The following KCNJ3 variants were observed in gnomAD, a reference collection of about 807,000 sequenced individuals.
KCNJ3 encodes G protein-activated inward rectifier potassium channel 1.
KCNJ3 carries 4 observed loss-of-function variants against 39.2 expected under a neutral mutation model. The observed-to-expected ratio is 0.10, with a 90% CI of 0.05 to 0.23. The LOEUF is 0.23. Among genes scored for constraint, KCNJ3 ranks in the 10% least tolerant of loss-of-function variants. KCNJ3 has a pLI of 1.00. For synonymous variants in KCNJ3, 230 were observed against 237.4 expected (o/e 0.97, Z 0.29); for missense variants, 276 against 634.9 (o/e 0.43, Z 6.08).
intron 2 of KCNJ3, among the ~76,000 whole-genome samples, chr2:154,769,116 A>AT (rs1470706000): frequency 6.6e-6 from 1 of 152,132 alleles, no homozygotes; most frequent in Non-Finnish European, 1.5e-5. Context: ...TAGATATACA[A>AT]TCATGTCATC....
intron 2 of KCNJ3, among the ~76,000 whole-genome samples, chr2:154,792,846 A>G (rs999473798): frequency 1.3e-5 from 2 of 152,092 alleles, no homozygotes; most frequent in Non-Finnish European, 2.9e-5. Flanking sequence ...CACTTGGCAA[A>G]CTGTTTTCTG....
chr2:154,809,972 A>G (rs1383907731), intron 2 of KCNJ3, among the ~76,000 whole-genome samples: 1 of 151,950 alleles, frequency 6.6e-6, no homozygotes, highest in African/African-American at 2.4e-5. Context: ...TTTTATTTAC[A>G]TTTTCCCAAA....
intron 2 of KCNJ3, among the ~76,000 whole-genome samples, chr2:154,840,565 T>C (rs1687558000): frequency 6.6e-6 from 1 of 152,226 alleles, no homozygotes; most frequent in Non-Finnish European, 1.5e-5. Flanking sequence ...TTCCAATCCA[T>C]GAGCATGGAA....
chr2:154,742,194 T>A (rs1255057234), intron 2 of KCNJ3, among the ~76,000 whole-genome samples: 1 of 151,938 alleles, frequency 6.6e-6, no homozygotes, highest in Non-Finnish European at 1.5e-5. Context: ...GATTTATTCA[T>A]GTTGTAGCAT....
chr2:154,720,415 G>A (rs59933390), intron 2 of KCNJ3, among the ~76,000 whole-genome samples: 8,243 of 152,008 alleles, frequency 0.054, 741 homozygotes, highest in African/African-American at 0.19. Flanking sequence ...AGATCTTAAA[G>A]CCTTTTGAAG....
chr2:154,731,543 C>T (rs1366146568), intron 2 of KCNJ3, among the ~76,000 whole-genome samples: 1 of 151,756 alleles, frequency 6.6e-6, no homozygotes, highest in African/African-American at 2.4e-5. Context: ...AAGTTAAGTA[C>T]ATATTTGAGT....
intron 2 of KCNJ3, among the ~76,000 whole-genome samples, chr2:154,722,799 G>A (rs1685286174): frequency 6.6e-6 from 1 of 152,122 alleles, no homozygotes; most frequent in Non-Finnish European, 1.5e-5. Flanking sequence ...TGAGTTGAGA[G>A]ATGATCATTT....
At chr2:154,838,842 T>G (rs1236548296) in intron 2 of KCNJ3, among the ~76,000 whole-genome samples, 1 of 152,230 alleles carries the variant, frequency 6.6e-6, no homozygotes, top group Non-Finnish European at 1.5e-5. Context: ...TTATACGATA[T>G]TTCAAAAGAT....
At chr2:154,796,290 T>G (rs1315539136) in intron 2 of KCNJ3, among the ~76,000 whole-genome samples, 6 of 152,106 alleles carry the variant, frequency 3.9e-5, no homozygotes, top group African/African-American at 1.4e-4. Context: ...TGGGTAGACA[T>G]TCAAGAGATT....
intron 1 of KCNJ3, among the ~76,000 whole-genome samples, chr2:154,707,867 T>C (rs1294204462): frequency 6.6e-6 from 1 of 152,170 alleles, no homozygotes; most frequent in Non-Finnish European, 1.5e-5. Flanking sequence ...TATTTTGTTG[T>C]ATTAATCAAT....
chr2:154,778,529 A>G (rs1363277030), intron 2 of KCNJ3, among the ~76,000 whole-genome samples: 2 of 152,180 alleles, frequency 1.3e-5, no homozygotes, highest in African/African-American at 4.8e-5. Flanking sequence ...GATTGAAAAC[A>G]TTAAGCTCCT....
intron 1 of KCNJ3, among the ~76,000 whole-genome samples, chr2:154,704,238 G>C (rs1056893651): frequency 6.6e-6 from 1 of 151,972 alleles, no homozygotes; most frequent in Admixed American, 6.6e-5. Context: ...CAGAAATTAG[G>C]GGCATAAAGA....
chr2:154,848,841 T>C (rs1687707477), intron 2 of KCNJ3, among the ~76,000 whole-genome samples: 1 of 152,196 alleles, frequency 6.6e-6, no homozygotes, highest in South Asian at 2.1e-4. Context: ...AGAGTGCCTC[T>C]GGTGTTCATC....
At chr2:154,833,189 T>G (rs1687391719) in intron 2 of KCNJ3, among the ~76,000 whole-genome samples, 1 of 152,210 alleles carries the variant, frequency 6.6e-6, no homozygotes, top group Non-Finnish European at 1.5e-5. Context: ...CTTTATGGCA[T>G]AGTGAAATGG....
Position 154,855,166 on chromosome 2 carries a change from T to TA in KCNJ3, c.1363dup (p.Thr455AsnfsTer7). 1 of 1,613,860 alleles carries TA rather than the reference T, an allele frequency of 6.2e-7. No individual in the cohort carries two copies. The highest frequency in any genetic ancestry group is 8.5e-7 in the Non-Finnish European group (1 of 1,179,926). ...GCAACTCAGAAGAAAAACTGGTATC[T>TA]AAAACCACCAAGATGTTATCTGATC... On this transcript the variant is annotated frameshift_variant, in exon 3 of 3. Transcript: ENST00000295101. LOFTEE classifies it high-confidence loss of function.
chr2:154,712,969 G>A (rs1443351705), intron 2 of KCNJ3, among the ~76,000 whole-genome samples: 1 of 151,928 alleles, frequency 6.6e-6, no homozygotes, highest in Non-Finnish European at 1.5e-5. Flanking sequence ...GCTGGTGCAA[G>A]GGCCCTGAGC....
chr2:154,808,954 G>A (rs1686962426), intron 2 of KCNJ3, among the ~76,000 whole-genome samples: 1 of 152,042 alleles, frequency 6.6e-6, no homozygotes, highest in Non-Finnish European at 1.5e-5. Flanking sequence ...TTGATTATTG[G>A]CCCACTGCTA....
chr2:154,850,606 A>C (rs1687743770), intron 2 of KCNJ3, among the ~76,000 whole-genome samples: 1 of 152,202 alleles, frequency 6.6e-6, no homozygotes, highest in Admixed American at 6.5e-5. Context: ...CAAATTCATA[A>C]TATCCTGAGA....
chr2:154,728,565 C>T (rs2105165421), intron 2 of KCNJ3, among the ~76,000 whole-genome samples: 1 of 152,232 alleles, frequency 6.6e-6, no homozygotes, highest in East Asian at 1.9e-4. Context: ...AAATCTGCCA[C>T]CTTTAGTGAA....
Sources: allele counts gnomAD v4.1 joint callset (sites outside exome capture counted in the v4.1 genomes callset), GRCh38; gene constraint gnomAD v4.1.1; transcripts MANE v1.5; gene names NCBI Gene and HGNC (gene_info 2026-07-23, HGNC 2026-07-21).